GALNT13: variants seen among roughly 807,000 people sequenced by gnomAD.
The protein encoded by GALNT13 is polypeptide N-acetylgalactosaminyltransferase 13.
In GALNT13, 28 loss-of-function variants were observed where a neutral mutation model predicts 64.2. That is an observed-to-expected ratio of 0.44 (90% CI 0.32 to 0.60). The LOEUF (loss-of-function observed/expected upper bound fraction) is 0.60. Ranked by LOEUF, GALNT13 falls within the 20% of genes least tolerant of loss-of-function variation. The pLI is 0.05. For synonymous variants in GALNT13, 214 were observed against 224.6 expected, an observed-to-expected ratio of 0.95 and a Z score of 0.42; for missense variants, 577 against 669.8, an observed-to-expected ratio of 0.86 and a Z score of 1.53.
At chr2:153,853,210 A>G in the GALNT13 span, among the ~76,000 whole-genome samples, 3 of 152,148 alleles carry the variant, frequency 2.0e-5, no homozygotes, top group Non-Finnish European at 2.9e-5. Flanking sequence ...GCTTTATTCT[A>G]GACATGCTGG....
At chr2:153,363,853 A>G in the GALNT13 span, among the ~76,000 whole-genome samples, 2 of 152,162 alleles carry the variant, frequency 1.3e-5, no homozygotes, top group African/African-American at 4.8e-5. Flanking sequence ...ATTCCAAACA[A>G]CTGAAAAGGA....
At chr2:153,300,021 A>G in the GALNT13 span, among the ~76,000 whole-genome samples, 67 of 152,296 alleles carry the variant, frequency 4.4e-4, no homozygotes, top group African/African-American at 1.6e-3. Flanking sequence ...CTATTCCTGG[A>G]TTCCACAGCT....
At chr2:153,920,956 A>T (rs1156606121) in intron 2 of GALNT13, among the ~76,000 whole-genome samples, 1 of 152,216 alleles carries the variant, frequency 6.6e-6, no homozygotes, top group Non-Finnish European at 1.5e-5. Context: ...AATGGCTATT[A>T]TTAAAAAGTC....
the GALNT13 span, among the ~76,000 whole-genome samples, chr2:153,650,619 T>C: frequency 1.3e-5 from 2 of 152,182 alleles, no homozygotes; most frequent in Admixed American, 6.6e-5. Flanking sequence ...TTCCTTTCCA[T>C]GTTTAGTGCT....
the GALNT13 span, among the ~76,000 whole-genome samples, chr2:153,509,196 C>T: frequency 1.3e-5 from 2 of 152,312 alleles, no homozygotes; most frequent in South Asian, 2.1e-4. Context: ...TTTGAGCCTG[C>T]GGGGAAACAG....
the GALNT13 span, among the ~76,000 whole-genome samples, chr2:153,805,834 A>G: frequency 6.0e-4 from 91 of 152,188 alleles, 2 homozygotes; most frequent in East Asian, 0.015. Flanking sequence ...TTCTTTATGA[A>G]GAAGAAAGCA....
At chr2:153,531,784 A>C in the GALNT13 span, among the ~76,000 whole-genome samples, 1 of 152,204 alleles carries the variant, frequency 6.6e-6, no homozygotes, top group Non-Finnish European at 1.5e-5. Context: ...CAAAAGGAAA[A>C]AATTGACCAA....
At chr2:153,248,463 G>T in the GALNT13 span, among the ~76,000 whole-genome samples, 4 of 151,908 alleles carry the variant, frequency 2.6e-5, no homozygotes, top group East Asian at 1.9e-4. Flanking sequence ...GGCAAAAACC[G>T]CTTGATTATT....
Position 154,264,080 on chromosome 2 carries a change from A to C in GALNT13, c.975+4942A>C, listed in dbSNP as rs1690847776. Reference sequence around the variant, plus strand: ...AAGCCCGCTGGAATTTGGTGAACAGAGTAATGGAGTCCTGGGCAGAGCATT... The same window carrying C: ...AAGCCCGCTGGAATTTGGTGAACAGCGTAATGGAGTCCTGGGCAGAGCATT... On this transcript the variant is annotated intron_variant, in intron 8 of 12. Transcript: ENST00000392825. 2.0e-5 allele frequency among the ~76,000 whole-genome samples: 3 copies of C among 152,154 alleles called. No individual in the cohort carries two copies. In the South Asian group the frequency reaches 6.2e-4, roughly 32 times the overall value.
chr2:154,067,426 A>G (rs539593474), intron 3 of GALNT13, among the ~76,000 whole-genome samples: 1 of 152,238 alleles, frequency 6.6e-6, no homozygotes, highest in Admixed American at 6.5e-5. Flanking sequence ...TAGACTGAAA[A>G]TAAACAGATA....
At chr2:153,670,781 T>C in the GALNT13 span, among the ~76,000 whole-genome samples, 1 of 152,108 alleles carries the variant, frequency 6.6e-6, no homozygotes, top group African/African-American at 2.4e-5. Context: ...ATCTAACCCA[T>C]TGCATGGAAG....
At chr2:153,128,534 C>T in the GALNT13 span, among the ~76,000 whole-genome samples, 46 of 152,116 alleles carry the variant, frequency 3.0e-4, no homozygotes, top group East Asian at 8.8e-3. Flanking sequence ...AACACAGAGC[C>T]AAACCATATC....
At chr2:154,341,448 T>C (rs1339801693) in intron 9 of GALNT13, among the ~76,000 whole-genome samples, 1 of 152,078 alleles carries the variant, frequency 6.6e-6, no homozygotes, top group East Asian at 1.9e-4. Flanking sequence ...AGATCCATAA[T>C]CAGGGAAGGC....
the GALNT13 span, among the ~76,000 whole-genome samples, chr2:153,073,652 T>C: frequency 6.6e-6 from 1 of 152,172 alleles, no homozygotes; most frequent in South Asian, 2.1e-4. Context: ...AAGATAAGCA[T>C]TCTTTTTAAA....
chr2:153,542,145 C>T, the GALNT13 span, among the ~76,000 whole-genome samples: 1 of 151,956 alleles, frequency 6.6e-6, no homozygotes, highest in Non-Finnish European at 1.5e-5. Context: ...TGTTGAAACC[C>T]CATCTCTACT....
At chr2:153,267,255 T>C in the GALNT13 span, among the ~76,000 whole-genome samples, 1 of 152,158 alleles carries the variant, frequency 6.6e-6, no homozygotes, top group Non-Finnish European at 1.5e-5. Flanking sequence ...TGACTGACTG[T>C]GGCTTTTCCA....
intron 12 of GALNT13, among the ~76,000 whole-genome samples, chr2:154,439,957 C>T (rs1701201560): frequency 6.6e-6 from 1 of 152,072 alleles, no homozygotes; most frequent in South Asian, 2.1e-4. Context: ...ATTTTTTTCT[C>T]TTCAACTATT....
chr2:153,666,338 A>G, the GALNT13 span, among the ~76,000 whole-genome samples: 2 of 152,212 alleles, frequency 1.3e-5, no homozygotes, highest in African/African-American at 4.8e-5. Context: ...TCTTCCTGCA[A>G]CCAACAGCAT....
the GALNT13 span, among the ~76,000 whole-genome samples, chr2:153,130,602 C>T: frequency 2.0e-5 from 3 of 152,252 alleles, no homozygotes; most frequent in East Asian, 3.9e-4. Context: ...ACACAGGCCA[C>T]CTGGCACCCC....
Sources: gnomAD v4.1 joint callset for allele counts (sites outside exome capture counted in the v4.1 genomes callset) on GRCh38, gnomAD v4.1.1 for gene constraint, MANE v1.5 for transcripts, NCBI Gene and HGNC (gene_info 2026-07-23, HGNC 2026-07-21) for gene names.